Variants in INPP5D observed in about 807,000 individuals in gnomAD.
The protein encoded by INPP5D is phosphatidylinositol 3,4,5-trisphosphate 5-phosphatase 1.
Under a neutral mutation model 122.9 loss-of-function variants are expected in INPP5D, and 33 were observed. That is an observed-to-expected ratio of 0.27 (90% confidence interval 0.20 to 0.36). The LOEUF is 0.36. Ranked by LOEUF, INPP5D falls within the 10% of genes least tolerant of loss-of-function variation. INPP5D has a pLI of 1.00. For synonymous variants in INPP5D, 584 were observed against 576.2 expected (o/e 1.01, Z -0.19); for missense variants, 1,053 against 1,412.7 (o/e 0.75, Z 4.08).
intron 4 of INPP5D, among the ~76,000 whole-genome samples, chr2:233,129,273 T>G (rs1559308246): frequency 6.6e-6 from 1 of 152,216 alleles, no homozygotes; most frequent in Non-Finnish European, 1.5e-5. Flanking sequence ...ACAGGAATAA[T>G]TAGTAATAAT....
At chr2:233,155,626 A>G (rs1694030207) in intron 9 of INPP5D, among the ~76,000 whole-genome samples, 1 of 12,712 alleles carries the variant, frequency 7.9e-5, no homozygotes, top group Non-Finnish European at 3.5e-4. Flanking sequence ...ATCTCAAAAA[A>G]TAAATAAATA....
chr2:233,144,182 G>A (rs1262704535), intron 6 of INPP5D, among the ~76,000 whole-genome samples: 1 of 150,212 alleles, frequency 6.7e-6, no homozygotes, highest in Admixed American at 6.6e-5. Context: ...GTTGGAGGTG[G>A]TCATGATCAT....
At chr2:233,065,546 A>G (rs13035797) in intron 1 of INPP5D, among the ~76,000 whole-genome samples, 87,826 of 96,188 alleles carry the variant, frequency 0.91, 40,783 homozygotes, top group East Asian at 0.99. Context: ...ACAGGCATGA[A>G]CCACTGCACC....
rs1205183143 is a variant in INPP5D at position 233,189,456 on chromosome 2, G to T, written c.2359-394G>T. ...GGGGGAGCCTGGCGCAGGGTGGAGT[G>T]CATGGATCATTCCAGACCTGGTGCC... is the stretch of plus-strand genomic sequence containing the variant. On this transcript the variant is annotated intron_variant, in intron 21 of 26. Coordinates refer to ENST00000445964, the MANE Select transcript of INPP5D (RefSeq NM_001017915.3). The surrounding 1 kb of genome is among the most constrained non-coding windows in gnomAD (Gnocchi z 5.6). 6.6e-6 allele frequency among the ~76,000 whole-genome samples: 1 copy of T among 152,184 alleles called. No individual in the cohort carries two copies. Among genetic ancestry groups the T allele is most frequent in the Non-Finnish European group, 1.5e-5 (1 of 68,026 alleles).
At chr2:233,127,075 A>G (rs1207531577) in intron 4 of INPP5D, among the ~76,000 whole-genome samples, 1 of 151,768 alleles carries the variant, frequency 6.6e-6, no homozygotes, top group Non-Finnish European at 1.5e-5. Context: ...AGGCTCGTAC[A>G]CCTCCCGCCA....
intron 2 of INPP5D, among the ~76,000 whole-genome samples, chr2:233,114,013 C>G (rs1198441507): frequency 6.6e-6 from 1 of 151,808 alleles, no homozygotes; most frequent in Non-Finnish European, 1.5e-5. Flanking sequence ...CGGGTTCACG[C>G]CATTCTCCTG....
chr2:233,204,319 T>A lies in INPP5D; in HGVS notation c.3169T>A (p.Ser1057Thr). 1 of 1,611,478 alleles carries A rather than the reference T, an allele frequency of 6.2e-7. No homozygotes were observed. Among genetic ancestry groups the A allele is most frequent in the Non-Finnish European group, 8.5e-7 (1 of 1,179,106 alleles). Residue 1057 changes from serine to threonine, a missense_variant, in exon 26 of 27, where the codon TCG becomes ACG. Physicochemically the swap from Ser to Thr is moderately conservative, Grantham distance 58 (BLOSUM62 1). Around this residue, in one of 6 missense-constraint regions of INPP5D, gnomAD observed 417 missense variants for 425.8 expected, o/e 0.98. Coordinates refer to ENST00000445964, the MANE Select transcript of INPP5D (RefSeq NM_001017915.3). ...GCCCTGCCCGGAACCCGGCATCTTG[T>A]CGCCCAGCATCGTGCTCACCAAAGC... ...PPPCPEPGIL[S>T]PSIVLTKAQE...
At chr2:233,187,456 G>A (rs1343849276) in intron 21 of INPP5D, among the ~76,000 whole-genome samples, 2 of 152,194 alleles carry the variant, frequency 1.3e-5, no homozygotes, top group African/African-American at 2.4e-5. Context: ...TAAAAGGACA[G>A]TCTTAAGCAG....
At chr2:233,084,878 C>T (rs1256008952) in intron 2 of INPP5D, among the ~76,000 whole-genome samples, 2 of 152,350 alleles carry the variant, frequency 1.3e-5, no homozygotes, top group East Asian at 3.9e-4. Context: ...GGAGGGGTTC[C>T]TTTATGCTCT....
chr2:233,157,667 C>T (rs1559324452), intron 9 of INPP5D, among the ~76,000 whole-genome samples: 1 of 3,158 alleles, frequency 3.2e-4, no homozygotes, highest in African/African-American at 3.4e-4. Context: ...AAAGAAATTT[C>T]AACCTCATCT....
At position 233,207,555 on chromosome 2, in the gene INPP5D, C is replaced by G. The variant is rs1334154772; in HGVS notation, c.*847C>G. ...CGAGGTGGGCAGCCATCACCAGCCA[C>G]AGTTAAGCCAAGCCCCCCAACATGT... On this transcript the variant is annotated 3_prime_UTR_variant, in exon 27 of 27. Coordinates refer to ENST00000445964, the MANE Select transcript of INPP5D (RefSeq NM_001017915.3). This position sits in a 1 kb window ranked among gnomAD's most constrained non-coding sequence, Gnocchi z 4.6. 1 of 152,448 alleles carries G rather than the reference C, an allele frequency of 6.6e-6. No individual in the cohort carries two copies. Among genetic ancestry groups the G allele is most frequent in the Non-Finnish European group, 1.5e-5 (1 of 68,130 alleles). The allele number at this position is 152,448 out of a possible 1,614,324, so 9.4% of individuals were successfully genotyped here.
chr2:233,064,244 G>A (rs759082616), intron 1 of INPP5D, among the ~76,000 whole-genome samples: 8 of 152,250 alleles, frequency 5.3e-5, no homozygotes, highest in Non-Finnish European at 1.2e-4. Flanking sequence ...CAGAGAGAGG[G>A]GGCTTCCCTC....
intron 5 of INPP5D, among the ~76,000 whole-genome samples, chr2:233,138,823 G>T (rs1199051053): frequency 2.0e-5 from 3 of 151,960 alleles, no homozygotes; most frequent in South Asian, 4.2e-4. Context: ...TCGGCTCACT[G>T]CAAGCTCTGT....
At chr2:233,098,903 T>C (rs1013563454) in intron 2 of INPP5D, among the ~76,000 whole-genome samples, 1 of 151,804 alleles carries the variant, frequency 6.6e-6, no homozygotes, top group Non-Finnish European at 1.5e-5. Context: ...CTTTTTCACA[T>C]GTGCTCCTGC....
chr2:233,090,531 A>G (rs1041608666), intron 2 of INPP5D, among the ~76,000 whole-genome samples: 1 of 152,180 alleles, frequency 6.6e-6, no homozygotes, highest in Non-Finnish European at 1.5e-5. Flanking sequence ...CCAAAATCCA[A>G]ACATCTCACA....
chr2:233,066,461 T>G (rs1691229956), intron 1 of INPP5D, among the ~76,000 whole-genome samples: 1 of 152,182 alleles, frequency 6.6e-6, no homozygotes, highest in Non-Finnish European at 1.5e-5. Context: ...TGGGCTGCAT[T>G]TGCAAAATGC....
chr2:233,153,721 C>G (rs1208468029), intron 9 of INPP5D, among the ~76,000 whole-genome samples: 2 of 152,206 alleles, frequency 1.3e-5, no homozygotes, highest in South Asian at 4.1e-4. Context: ...AGTGGCTCCT[C>G]CTCACTCCTT....
At chr2:233,084,700 C>T (rs1197880590) in intron 2 of INPP5D, among the ~76,000 whole-genome samples, 3 of 152,224 alleles carry the variant, frequency 2.0e-5, no homozygotes, top group African/African-American at 7.2e-5. Context: ...GTAAAGATTC[C>T]GTCTGAGCCG....
intron 1 of INPP5D, among the ~76,000 whole-genome samples, chr2:233,065,307 G>GTTTTT (rs376982879): frequency 1.0e-4 from 12 of 116,968 alleles, no homozygotes; most frequent in South Asian, 2.7e-4. Flanking sequence ...CACTTCTTGG[G>GTTTTT]TTTTTTTTTT....
Sources: gnomAD v4.1 joint callset for allele counts (sites outside exome capture counted in the v4.1 genomes callset) on GRCh38, gnomAD v4.1.1 for gene constraint, gnomAD v4.1.1 regional missense constraint, Gnocchi (gnomAD v3.1) non-coding constraint, MANE v1.5 for transcripts, NCBI Gene and HGNC (gene_info 2026-07-23, HGNC 2026-07-21) for gene names.